The following LDLRAD4 variants were observed in gnomAD, a reference collection of about 807,000 sequenced individuals.
The protein encoded by LDLRAD4 is low-density lipoprotein receptor class A domain-containing protein 4.
In LDLRAD4, 5 loss-of-function variants were observed where a neutral mutation model predicts 17.0. The ratio of observed to expected loss-of-function variants is 0.29; its 90% CI spans 0.15 to 0.62. LDLRAD4 has a LOEUF of 0.62. Among genes scored for constraint, LDLRAD4 ranks in the 20% least tolerant of loss-of-function variants. LDLRAD4 has a pLI of 0.84. For missense variants in LDLRAD4, 340 were observed against 424.7 expected (o/e 0.80, Z 1.75); for synonymous variants, 168 against 171.8 (o/e 0.98, Z 0.17).
In LDLRAD4 at chr18:13,622,879, C is replaced by T. The variant is rs1449642513; in HGVS notation, c.336+1608C>T. ...GCACAGCCTTCCTTGGCCTTCTCTC[C>T]AGGAGCTCCAGAACGCTTGGGGTCT... On this transcript the variant is annotated intron_variant, in intron 4 of 5. Transcript: ENST00000359446. This position sits in a 1 kb window ranked among gnomAD's most constrained non-coding sequence, Gnocchi z 5.3. Among the ~76,000 whole-genome samples, 1 of 152,196 alleles carries T rather than the reference C, an allele frequency of 6.6e-6. No individual in the cohort carries two copies.
At chr18:13,591,887 T>TG (rs1359348301) in intron 3 of LDLRAD4, among the ~76,000 whole-genome samples, 7 of 152,194 alleles carry the variant, frequency 4.6e-5, no homozygotes, top group Non-Finnish European at 7.3e-5. Context: ...TTAGGGCATT[T>TG]GGGGGTAATT....
chr18:13,349,696 A>C (rs1321834131), intron 1 of LDLRAD4, among the ~76,000 whole-genome samples: 1 of 152,222 alleles, frequency 6.6e-6, no homozygotes, highest in Admixed American at 6.5e-5. Context: ...TACATGTGCC[A>C]TAGCGGTTTG....
intron 1 of LDLRAD4, among the ~76,000 whole-genome samples, chr18:13,289,376 T>A (rs1279846904): frequency 1.3e-5 from 2 of 152,130 alleles, no homozygotes; most frequent in Admixed American, 1.3e-4. Flanking sequence ...TTAAAGGGAG[T>A]AAAAGCATTT....
chr18:13,243,085 TA>T (rs2042749362), intron 1 of LDLRAD4, among the ~76,000 whole-genome samples: 2 of 152,394 alleles, frequency 1.3e-5, no homozygotes, highest in Middle Eastern at 6.8e-3. Flanking sequence ...TGGAAGCACT[TA>T]AAGGCTTTAT....
At chr18:13,321,861 C>CAAAAAAAAAAAAAAAAAGAAAAAAA (rs2081243487) in intron 1 of LDLRAD4, among the ~76,000 whole-genome samples, 1 of 62,140 alleles carries the variant, frequency 1.6e-5, no homozygotes, top group Admixed American at 2.4e-4. Flanking sequence ...GACTCCGTCT[C>CAAAAAAAAAAAAAAAAAGAAAAAAA]AAAAAAAAAA....
At chr18:13,333,384 A>G (rs780106080) in intron 1 of LDLRAD4, among the ~76,000 whole-genome samples, 4 of 152,222 alleles carry the variant, frequency 2.6e-5, no homozygotes, top group African/African-American at 4.8e-5. Context: ...TTCTCTTGGC[A>G]TTGTCTTTCA....
chr18:13,233,187 G>T (rs1264482998), intron 1 of LDLRAD4, among the ~76,000 whole-genome samples: 2 of 152,246 alleles, frequency 1.3e-5, no homozygotes, highest in Admixed American at 1.3e-4. Flanking sequence ...TCTTGGGTCT[G>T]CTTGGACACG....
chr18:13,228,437 C>A (rs2041916269), intron 1 of LDLRAD4, among the ~76,000 whole-genome samples: 1 of 152,184 alleles, frequency 6.6e-6, no homozygotes, highest in East Asian at 1.9e-4. Context: ...GTGTGCAGAG[C>A]TGACCGATTT....
chr18:13,558,413 G>A (rs960713211), intron 3 of LDLRAD4, among the ~76,000 whole-genome samples: 1 of 152,246 alleles, frequency 6.6e-6, no homozygotes, highest in Non-Finnish European at 1.5e-5. Context: ...CCCAGGCCAC[G>A]TGGTGAAGAG....
rs143944501 is a variant in LDLRAD4 at position 13,621,231 on chromosome 18, G to A, written c.296G>A (p.Arg99His). Reference sequence around the variant, plus strand: ...GTCTCCACGCGGTCCTTCATCAACCGCCCGAACCAGAGCCGGAGGCGGGAG... The same window carrying A: ...GTCTCCACGCGGTCCTTCATCAACCACCCGAACCAGAGCCGGAGGCGGGAG... Residue 99 changes from arginine to histidine, a missense_variant, in exon 4 of 6, where the codon CGC (arginine) becomes CAC (histidine). Arg to His is a conservative substitution (Grantham distance 29). Coordinates refer to ENST00000359446, the Ensembl canonical transcript of LDLRAD4. This position sits in a 1 kb window ranked among gnomAD's most constrained non-coding sequence, Gnocchi z 5.5. The A allele has an allele frequency of 7.3e-3, 11,813 of 1,613,766 alleles. 53 individuals carry two copies. The highest frequency in any genetic ancestry group is 8.9e-3 in the Non-Finnish European group (10,483 of 1,180,004).
intron 1 of LDLRAD4, among the ~76,000 whole-genome samples, chr18:13,230,768 G>A (rs2042031024): frequency 6.6e-6 from 1 of 152,196 alleles, no homozygotes; most frequent in South Asian, 2.1e-4. Context: ...GTAGCTTTCA[G>A]TTGTTGTGAA....
At chr18:13,564,085 T>G (rs183950445) in intron 3 of LDLRAD4, among the ~76,000 whole-genome samples, 277 of 152,206 alleles carry the variant, frequency 1.8e-3, no homozygotes, top group African/African-American at 6.4e-3. Flanking sequence ...GTGGTTTTTT[T>G]GTAAAGATGG....
chr18:13,585,666 AT>A (rs1197081544), intron 3 of LDLRAD4, among the ~76,000 whole-genome samples: 2 of 152,160 alleles, frequency 1.3e-5, no homozygotes, highest in Non-Finnish European at 2.9e-5. Context: ...TTAGTGATGA[AT>A]TTTACTGATA....
At chr18:13,469,120 CAA>C (rs143520278) in intron 3 of LDLRAD4, among the ~76,000 whole-genome samples, 10,184 of 152,092 alleles carry the variant, frequency 0.067, 445 homozygotes, top group South Asian at 0.17. Flanking sequence ...GACCAATAAA[CAA>C]ATGAAAACAT....
intron 3 of LDLRAD4, among the ~76,000 whole-genome samples, chr18:13,502,301 C>G (rs1005367196): frequency 6.6e-6 from 1 of 152,210 alleles, no homozygotes; most frequent in African/African-American, 2.4e-5. Flanking sequence ...CTGTGCTGGT[C>G]CTGACCGATT....
intron 1 of LDLRAD4, among the ~76,000 whole-genome samples, chr18:13,373,155 A>G (rs1483456575): frequency 6.7e-6 from 1 of 149,560 alleles, no homozygotes; most frequent in East Asian, 2.0e-4. Context: ...CAACTGTTTA[A>G]TGTGTGTGTG....
At chr18:13,446,506 C>G (rs1448536503) in intron 3 of LDLRAD4, among the ~76,000 whole-genome samples, 1 of 152,184 alleles carries the variant, frequency 6.6e-6, no homozygotes, top group East Asian at 1.9e-4. Context: ...GAAAAATTAA[C>G]CTAAGAGCCC....
chr18:13,621,216 G>C lies in LDLRAD4; in HGVS notation c.281G>C (p.Arg94Pro). 6.2e-7 allele frequency: 1 copy of C among 1,614,094 alleles called. No individual in the cohort carries two copies. The highest frequency in any genetic ancestry group is 8.5e-7 in the Non-Finnish European group (1 of 1,180,040). ...CTGAACCACTACAAAGTCTCCACGC[G>C]GTCCTTCATCAACCGCCCGAACCAG... Residue 94 changes from arginine to proline, a missense_variant, in exon 4 of 6, where the codon CGG (arginine) becomes CCG (proline). Arg to Pro is a moderately radical substitution (Grantham distance 103). Coordinates refer to ENST00000359446, the Ensembl canonical transcript of LDLRAD4. The surrounding 1 kb of genome is among the most constrained non-coding windows in gnomAD (Gnocchi z 5.5).
intron 1 of LDLRAD4, among the ~76,000 whole-genome samples, chr18:13,221,566 A>G (rs1267258593): frequency 6.6e-6 from 1 of 152,158 alleles, no homozygotes; most frequent in Non-Finnish European, 1.5e-5. Flanking sequence ...TTTGGGGGGC[A>G]TTGTTTGCTT....
Sources: allele counts gnomAD v4.1 joint callset (sites outside exome capture counted in the v4.1 genomes callset), GRCh38; gene constraint gnomAD v4.1.1; non-coding constraint Gnocchi (gnomAD v3.1); transcripts MANE v1.5; gene names NCBI Gene and HGNC (gene_info 2026-07-23, HGNC 2026-07-21).